The following SRGAP2C variants were observed in gnomAD, a reference collection of about 807,000 sequenced individuals.
The protein encoded by SRGAP2C is SLIT-ROBO Rho GTPase-activating protein 2C.
In SRGAP2C, 15 loss-of-function variants were observed where a neutral mutation model predicts 25.1. The observed-to-expected ratio is 0.60, with a 90% CI of 0.40 to 0.92. The LOEUF (loss-of-function observed/expected upper bound fraction) is 0.92, where lower values mean the gene tolerates loss of function less well. Among genes scored for constraint, SRGAP2C ranks in the 40% least tolerant of loss-of-function variants. The pLI is 0.00. For missense variants in SRGAP2C, 144 were observed against 264.4 expected, an observed-to-expected ratio of 0.54 and a Z score of 3.16; for synonymous variants, 44 against 96.6, an observed-to-expected ratio of 0.46 and a Z score of 3.19.
At chr1:121,212,123 A>ATTTTTT in intron 2 of SRGAP2C, among the ~76,000 whole-genome samples, 1 of 61,978 alleles carries the variant, frequency 1.6e-5, no homozygotes, top group Non-Finnish European at 2.7e-5. Flanking sequence ...ATGGAGCTGT[A>ATTTTTT]TTTTTTTTTT....
rs1258170378 is a variant in SRGAP2C at position 121,287,480 on chromosome 1, A to T, written c.260+2485A>T. The stretch of plus-strand genomic sequence containing the variant: ...TGATAAATGAAGACTTAGGGGAGGA[A>T]TCATTTGCTTTAGAAAATGATTCAA... On this transcript the variant is annotated intron_variant, in intron 3 of 9. Transcript: ENST00000367123. Among the ~76,000 whole-genome samples, 11 of 146,074 alleles carry T rather than the reference A, an allele frequency of 7.5e-5. No individual in the cohort carries two copies. The Admixed American group carries it at 7.6e-4, about 10-fold the overall frequency.
chr1:121,287,647 C>T (rs1272531227), intron 3 of SRGAP2C, among the ~76,000 whole-genome samples: 50 of 152,210 alleles, frequency 3.3e-4, no homozygotes, highest in Middle Eastern at 6.8e-3. Context: ...ATCTTGTGTC[C>T]GGAATTGGTG....
At chr1:121,341,371 T>C (rs1658645343) in intron 4 of SRGAP2C, among the ~76,000 whole-genome samples, 1 of 83,362 alleles carries the variant, frequency 1.2e-5, no homozygotes, top group African/African-American at 4.7e-5. Flanking sequence ...TTCTAATAGT[T>C]GAAACAGATA....
intron 4 of SRGAP2C, among the ~76,000 whole-genome samples, chr1:121,336,193 G>T (rs1349231607): frequency 6.6e-6 from 1 of 151,962 alleles, no homozygotes; most frequent in Non-Finnish European, 1.5e-5. Flanking sequence ...TTTGCCTTGG[G>T]CTGAGGGGGT....
At chr1:121,350,876 A>G (rs1375952056) in intron 4 of SRGAP2C, among the ~76,000 whole-genome samples, 4 of 148,846 alleles carry the variant, frequency 2.7e-5, no homozygotes, top group Non-Finnish European at 5.9e-5. Context: ...CAGAATATAT[A>G]AAGAATTCTT....
At chr1:121,334,456 TTTTGTTTG>T (rs1290122127) in intron 4 of SRGAP2C, among the ~76,000 whole-genome samples, 2 of 150,356 alleles carry the variant, frequency 1.3e-5, no homozygotes, top group East Asian at 2.0e-4. Context: ...TATATCATCT[TTTTGTTTG>T]TTTGTTTGTT....
intron 3 of SRGAP2C, 71 bp from the exon 4 acceptor site, chr1:121,324,407 G>C: frequency 7.5e-6 from 10 of 1,325,252 alleles, no homozygotes; most frequent in African/African-American, 1.4e-5. Context: ...TTTAGGACAC[G>C]GACTATAGTT....
At position 121,304,171 on chromosome 1, in the gene SRGAP2C, A is replaced by G. The variant is rs1428443586; in HGVS notation, c.260+19176A>G. Among the ~76,000 whole-genome samples, 424 of 142,696 alleles carry G rather than the reference A, an allele frequency of 3.0e-3. 4 individuals carry two copies. Among genetic ancestry groups the G allele is most frequent in the African/African-American group, 0.01 (387 of 38,616 alleles). The allele number at this position is 142,696 out of a possible 152,430, so 93.6% of individuals were successfully genotyped here. A position where few individuals can be genotyped will look rare whatever the true frequency, so the allele number is the denominator to read the frequency against. On this transcript the variant is annotated intron_variant, in intron 3 of 9. Transcript: ENST00000367123. ...GCTTGCAGTGAGCCGAGATCGTGCC[A>G]CTGCACTCCAGCCTGGGTGACAGAC... is the stretch of plus-strand genomic sequence containing the variant.
At chr1:121,202,715 C>CA (rs2101397439) in intron 2 of SRGAP2C, among the ~76,000 whole-genome samples, 1 of 152,188 alleles carries the variant, frequency 6.6e-6, no homozygotes, top group African/African-American at 2.4e-5. Flanking sequence ...GCGTGAGCCA[C>CA]CGTACCTGGC....
chr1:121,222,777 T>A (rs1553325908), intron 2 of SRGAP2C, among the ~76,000 whole-genome samples: 1 of 152,050 alleles, frequency 6.6e-6, no homozygotes, highest in African/African-American at 2.4e-5. Context: ...TTGTTTTCAT[T>A]TATGCAGACA....
At chr1:121,372,879 GCACA>G (rs199523525) in intron 5 of SRGAP2C, among the ~76,000 whole-genome samples, 1,379 of 62,678 alleles carry the variant, frequency 0.022, 109 homozygotes, top group African/African-American at 0.081. Context: ...ACACACACAT[GCACA>G]CACACACACA....
intron 3 of SRGAP2C, among the ~76,000 whole-genome samples, chr1:121,289,359 C>T (rs1310998299): frequency 6.6e-6 from 1 of 151,482 alleles, no homozygotes. Context: ...TGCTAAGTCC[C>T]CCATTGCCCG....
intron 5 of SRGAP2C, among the ~76,000 whole-genome samples, chr1:121,370,754 C>T (rs2101658100): frequency 6.6e-6 from 1 of 151,004 alleles, no homozygotes; most frequent in South Asian, 2.1e-4. Context: ...TGTTCTCAGA[C>T]TTTCAATAGC....
chr1:121,354,369 A>T (rs1200937099), intron 4 of SRGAP2C, among the ~76,000 whole-genome samples: 7 of 16,216 alleles, frequency 4.3e-4, no homozygotes, highest in African/African-American at 6.6e-4. Flanking sequence ...CTGCCCCCCC[A>T]CTTCTTTCTT....
At chr1:121,217,196 G>C (rs868989816) in intron 2 of SRGAP2C, among the ~76,000 whole-genome samples, 21 of 152,036 alleles carry the variant, frequency 1.4e-4, no homozygotes, top group African/African-American at 4.8e-4. Context: ...TTAAGTTGAA[G>C]TTGAAACTGA....
chr1:121,351,453 C>CA (rs1313409542), intron 4 of SRGAP2C, among the ~76,000 whole-genome samples: 34 of 148,330 alleles, frequency 2.3e-4, no homozygotes, highest in African/African-American at 6.7e-4. Context: ...ACTAAAAATA[C>CA]AAAAAAATTG....
chr1:121,277,217 T>C (rs1439388575), intron 2 of SRGAP2C, among the ~76,000 whole-genome samples: 5 of 144,922 alleles, frequency 3.5e-5, no homozygotes, highest in African/African-American at 1.3e-4. Context: ...TGCAATTATG[T>C]AATATGAATT....
chr1:121,335,021 G>A (rs1658480977), intron 4 of SRGAP2C, among the ~76,000 whole-genome samples: 2 of 136,888 alleles, frequency 1.5e-5, no homozygotes, highest in East Asian at 2.2e-4. Flanking sequence ...GGCTGGGCAT[G>A]GTGGCTCACA....
chr1:121,309,462 G>A (rs2101594373), intron 3 of SRGAP2C, among the ~76,000 whole-genome samples: 1 of 129,396 alleles, frequency 7.7e-6, no homozygotes, highest in South Asian at 2.5e-4. Context: ...TAGGGTACAT[G>A]TGCACATTGT....
Sources: allele counts gnomAD v4.1 joint callset (sites outside exome capture counted in the v4.1 genomes callset), GRCh38; gene constraint gnomAD v4.1.1; transcripts MANE v1.5; gene names NCBI Gene and HGNC (gene_info 2026-07-23, HGNC 2026-07-21).